CDH13: variants seen among roughly 807,000 people sequenced by gnomAD.
CDH13 encodes cadherin-13.
In CDH13, 24 loss-of-function variants were observed where a neutral mutation model predicts 63.8. The observed-to-expected ratio is 0.38, with a 90% CI of 0.27 to 0.53. The LOEUF (loss-of-function observed/expected upper bound fraction) is 0.53, where lower values mean the gene tolerates loss of function less well. Among genes scored for constraint, CDH13 ranks in the 20% least tolerant of loss-of-function variants. CDH13 has a pLI of 0.85. For synonymous variants in CDH13, 503 were observed against 355.3 expected (o/e 1.42, Z -4.67); for missense variants, 1,049 against 903.1 (o/e 1.16, Z -2.07).
chr16:83,219,756 A>G (rs1009739002), intron 5 of CDH13, among the ~76,000 whole-genome samples: 11 of 152,224 alleles, frequency 7.2e-5, no homozygotes, highest in African/African-American at 2.4e-4. Flanking sequence ...TTCATTTTAC[A>G]TACATTTAAT....
chr16:83,206,441 G>T (rs2039183402), intron 4 of CDH13, among the ~76,000 whole-genome samples: 2 of 152,194 alleles, frequency 1.3e-5, no homozygotes, highest in African/African-American at 4.8e-5. Flanking sequence ...TGCTGCAATG[G>T]CAGATCCCTG....
chr16:83,155,160 C>G (rs1346363681), intron 4 of CDH13, among the ~76,000 whole-genome samples: 2 of 152,110 alleles, frequency 1.3e-5, no homozygotes, highest in African/African-American at 4.8e-5. Flanking sequence ...CCAAATTTGG[C>G]AAAGACAAGT....
intron 2 of CDH13, among the ~76,000 whole-genome samples, chr16:82,913,474 T>C (rs2041896306): frequency 6.6e-6 from 1 of 152,140 alleles, no homozygotes; most frequent in African/African-American, 2.4e-5. Flanking sequence ...AAAGGGAATA[T>C]GTGGAAATCC....
At chr16:82,913,205 A>C (rs1228160772) in intron 2 of CDH13, among the ~76,000 whole-genome samples, 1 of 152,176 alleles carries the variant, frequency 6.6e-6, no homozygotes, top group Non-Finnish European at 1.5e-5. Context: ...TTCTAGGTAC[A>C]AAATGAATTG....
intron 1 of CDH13, among the ~76,000 whole-genome samples, chr16:82,791,296 T>C (rs2126367): frequency 0.77 from 116,380 of 150,878 alleles, 45,094 homozygotes; most frequent in Middle Eastern, 0.84. Context: ...CCACACCCAC[T>C]TTTAAACACG....
chr16:83,245,843 A>G (rs1276918082), intron 5 of CDH13, among the ~76,000 whole-genome samples: 1 of 152,086 alleles, frequency 6.6e-6, no homozygotes, highest in Non-Finnish European at 1.5e-5. Context: ...CCCTGGCTCA[A>G]ATGATTCTCC....
intron 1 of CDH13, among the ~76,000 whole-genome samples, chr16:82,805,290 T>G (rs1026205044): frequency 3.3e-5 from 5 of 152,288 alleles, no homozygotes; most frequent in African/African-American, 9.6e-5. Context: ...TAAAGCTGAA[T>G]GGTGACTCTG....
intron 2 of CDH13, among the ~76,000 whole-genome samples, chr16:83,015,418 GAA>G (rs929183532): frequency 7.0e-6 from 1 of 143,812 alleles, no homozygotes; most frequent in Admixed American, 6.9e-5. Flanking sequence ...GCTAAAAAGA[GAA>G]AAAAAAAAGT....
At chr16:83,742,077 C>T (rs1912118866) in intron 10 of CDH13, among the ~76,000 whole-genome samples, 1 of 152,250 alleles carries the variant, frequency 6.6e-6, no homozygotes, top group African/African-American at 2.4e-5. Context: ...GCAGAAGGGA[C>T]TTGTCAAACC....
intron 4 of CDH13, among the ~76,000 whole-genome samples, chr16:83,195,755 C>T (rs1398279434): frequency 6.6e-6 from 1 of 152,114 alleles, no homozygotes; most frequent in East Asian, 1.9e-4. Flanking sequence ...TAGCATGATA[C>T]AGCAGGGGAG....
chr16:83,542,364 C>G (rs2075310044), intron 7 of CDH13, among the ~76,000 whole-genome samples: 1 of 152,176 alleles, frequency 6.6e-6, no homozygotes, highest in Non-Finnish European at 1.5e-5. Context: ...AAACACTAGC[C>G]TGCGGCAGAA....
intron 1 of CDH13, among the ~76,000 whole-genome samples, chr16:82,715,441 C>A (rs549198379): frequency 6.6e-6 from 1 of 152,086 alleles, no homozygotes; most frequent in East Asian, 1.9e-4. Flanking sequence ...GTAGGTTCTG[C>A]TTTATTGATC....
At chr16:83,228,351 G>A (rs1361071040) in intron 5 of CDH13, among the ~76,000 whole-genome samples, 1 of 152,136 alleles carries the variant, frequency 6.6e-6, no homozygotes, top group Non-Finnish European at 1.5e-5. Context: ...CCACTCAGAG[G>A]GTCTAAAATT....
intron 2 of CDH13, among the ~76,000 whole-genome samples, chr16:82,917,319 C>T (rs1196338838): frequency 6.6e-6 from 1 of 151,978 alleles, no homozygotes; most frequent in African/African-American, 2.4e-5. Flanking sequence ...GGAAGGTGCC[C>T]TAGTTTTGGG....
chr16:82,722,452 G>C (rs1367749448), intron 1 of CDH13, among the ~76,000 whole-genome samples: 1 of 152,194 alleles, frequency 6.6e-6, no homozygotes, highest in Non-Finnish European at 1.5e-5. Flanking sequence ...AGTCCTTGCA[G>C]AGGGCTGGCA....
intron 2 of CDH13, among the ~76,000 whole-genome samples, chr16:83,023,361 T>C (rs145358418): frequency 0.017 from 2,553 of 152,310 alleles, 52 homozygotes; most frequent in Middle Eastern, 0.054. Context: ...AATGATGTTA[T>C]GCAATTTATT....
At chr16:83,173,433 C>A (rs1390665211) in intron 4 of CDH13, among the ~76,000 whole-genome samples, 1 of 152,064 alleles carries the variant, frequency 6.6e-6, no homozygotes, top group Non-Finnish European at 1.5e-5. Context: ...ATTTCTAGCA[C>A]ATAGTTAACC....
chr16:82,923,146 C>A (rs1314380354), intron 2 of CDH13, among the ~76,000 whole-genome samples: 3 of 152,168 alleles, frequency 2.0e-5, no homozygotes, highest in Admixed American at 6.5e-5. Flanking sequence ...TGCCACGAAG[C>A]TGCAATTTGT....
chr16:82,896,162 GTGAGCAA>G (rs1444066674), intron 2 of CDH13, among the ~76,000 whole-genome samples: 4 of 151,908 alleles, frequency 2.6e-5, no homozygotes, highest in Non-Finnish European at 4.4e-5. Context: ...AGGCTTCATG[GTGAGCAA>G]TAGCCTTATT....
Sources: gnomAD v4.1 joint callset for allele counts (sites outside exome capture counted in the v4.1 genomes callset) on GRCh38, gnomAD v4.1.1 for gene constraint, MANE v1.5 for transcripts, NCBI Gene and HGNC (gene_info 2026-07-23, HGNC 2026-07-21) for gene names.